Variants in ABCA13 observed in about 807,000 individuals in gnomAD.
ABCA13 encodes the protein ATP binding cassette subfamily A member 13.
In ABCA13, 476 loss-of-function variants were observed where a neutral mutation model predicts 478.7. That is an observed-to-expected ratio of 0.99 (90% CI 0.92 to 1.07). The LOEUF is 1.07. Among genes scored for constraint, ABCA13 ranks in the 50% least tolerant of loss-of-function variants. The probability of loss-of-function intolerance (pLI) is 0.00; values close to 1 mark genes in which losing one functional copy is unlikely to be tolerated. For synonymous variants in ABCA13, 2,252 were observed against 2,158.9 expected, an observed-to-expected ratio of 1.04 and a Z score of -1.20; for missense variants, 6,060 against 5,910.6, an observed-to-expected ratio of 1.03 and a Z score of -0.83.
At chr7:48,464,530 A>G (rs1479912119) in intron 43 of ABCA13, among the ~76,000 whole-genome samples, 1 of 152,210 alleles carries the variant, frequency 6.6e-6, no homozygotes, top group African/African-American at 2.4e-5. Flanking sequence ...AGGTGTTTGC[A>G]TTTTAAGTTG....
intron 45 of ABCA13, among the ~76,000 whole-genome samples, chr7:48,480,816 C>T (rs1360887446): frequency 6.6e-6 from 1 of 152,120 alleles, no homozygotes; most frequent in Non-Finnish European, 1.5e-5. Flanking sequence ...TTGAAGTTCT[C>T]AGATATAATT....
At chr7:48,208,455 C>T (rs891127154) in intron 3 of ABCA13, among the ~76,000 whole-genome samples, 4 of 151,956 alleles carry the variant, frequency 2.6e-5, no homozygotes, top group African/African-American at 9.7e-5. Flanking sequence ...ATCTTTCTAA[C>T]TTTTTGTGTG....
intron 29 of ABCA13, among the ~76,000 whole-genome samples, chr7:48,339,650 A>G (rs2128954181): frequency 6.6e-6 from 1 of 152,374 alleles, no homozygotes. Flanking sequence ...AGTTCCCCAG[A>G]AATTTAGAAC....
intron 38 of ABCA13, among the ~76,000 whole-genome samples, chr7:48,393,171 G>T (rs1816322023): frequency 6.6e-6 from 1 of 152,218 alleles, no homozygotes; most frequent in Admixed American, 6.5e-5. Context: ...ATGGAAGCAT[G>T]GATTGGAGGG....
Position 48,645,790 on chromosome 7 carries a change from T to A in ABCA13, c.*278T>A, listed in dbSNP as rs952650007. ...AGCTTCTTTGTGACAAAGGCATGAA[T>A]GATTTGACAGTGTCCAAACTGAGAC... On this transcript the variant is annotated 3_prime_UTR_variant, in exon 62 of 62. Coordinates refer to ENST00000435803, the MANE Select transcript of ABCA13 (RefSeq NM_152701.5). 19 of 366,462 alleles carry A rather than the reference T, an allele frequency of 5.2e-5. No homozygotes were observed. The allele number at this position is 366,462 out of a possible 1,614,324, so 22.7% of individuals were successfully genotyped here. A position where few individuals can be genotyped will look rare whatever the true frequency, so the allele number is the denominator to read the frequency against.
intron 29 of ABCA13, among the ~76,000 whole-genome samples, chr7:48,340,627 T>C (rs1272197932): frequency 6.6e-6 from 1 of 152,154 alleles, no homozygotes; most frequent in Non-Finnish European, 1.5e-5. Context: ...GATTATACTG[T>C]TCACATAATT....
chr7:48,260,412 A>C (rs1383605910), intron 15 of ABCA13, among the ~76,000 whole-genome samples: 1 of 152,092 alleles, frequency 6.6e-6, no homozygotes, highest in Non-Finnish European at 1.5e-5. Context: ...AAACTAATTT[A>C]CGTTCCTCCA....
chr7:48,172,787 G>C (rs1794305412), intron 1 of ABCA13, among the ~76,000 whole-genome samples: 1 of 105,944 alleles, frequency 9.4e-6, no homozygotes, highest in Non-Finnish European at 1.7e-5. Context: ...GACAGAGCGA[G>C]ACTCCGTCTC....
chr7:48,626,050 G>A (rs890416808), intron 59 of ABCA13, among the ~76,000 whole-genome samples: 3 of 152,158 alleles, frequency 2.0e-5, no homozygotes, highest in African/African-American at 7.2e-5. Flanking sequence ...TAAGAGACTG[G>A]TGAACGAAAT....
chr7:48,557,242 C>T (rs1382785098), intron 55 of ABCA13, among the ~76,000 whole-genome samples: 2 of 152,024 alleles, frequency 1.3e-5, no homozygotes, highest in Admixed American at 1.3e-4. Flanking sequence ...ACCACAATTA[C>T]AGTATTATAA....
chr7:48,251,406 C>T lies in ABCA13; in HGVS notation c.2005+2055C>T, dbSNP rs1163531628. On this transcript the variant is annotated intron_variant, in intron 15 of 61. Coordinates refer to ENST00000435803, the MANE Select transcript of ABCA13 (RefSeq NM_152701.5). ...CCTCATTCAACCTGTGAGATAGGTA[C>T]CATTATGATTTCATTTTCAGATGAG... Among the ~76,000 whole-genome samples the T allele has an allele frequency of 2.6e-5, 4 of 152,112 alleles. No homozygotes were observed. The East Asian group carries it at 5.8e-4, about 22-fold the overall frequency.
At position 48,273,167 on chromosome 7, in the gene ABCA13, T is replaced by G. The variant is rs1230062650; in HGVS notation, c.3501T>G (p.Phe1167Leu). 6.2e-7 allele frequency: 1 copy of G among 1,613,748 alleles called. No individual in the cohort carries two copies. The highest frequency in any genetic ancestry group is 8.5e-7 in the Non-Finnish European group (1 of 1,179,768). The stretch of plus-strand genomic sequence containing the variant: ...AAACCATATCTCAATTATTTAAGTT[T>G]GACATGAATGTTTTCACATCTCTTC... ...IWETISQLFK[F>L]DMNVFTSLHH... Residue 1167 changes from phenylalanine (F) to leucine (L), a missense_variant, in exon 17 of 62, where the codon TTT (phenylalanine) becomes TTG (leucine). This residue lies in a region of ABCA13 where 4,423 missense variants were observed against 4,309.1 expected (regional missense o/e 1.03). Transcript: ENST00000435803.
chr7:48,244,787 A>T, intron 11 of ABCA13, 84 bp downstream of exon 11: 1 of 1,477,264 alleles, frequency 6.8e-7, no homozygotes, highest in South Asian at 1.4e-5. Flanking sequence ...AAACTGCCTG[A>T]CACATTGTAA....
At chr7:48,246,228 C>T (rs938739028) in intron 13 of ABCA13, among the ~76,000 whole-genome samples, 198 bp downstream of exon 13, 2 of 152,172 alleles carry the variant, frequency 1.3e-5, no homozygotes, top group African/African-American at 4.8e-5. Context: ...GTATGCCACC[C>T]GCCTGGCCAA....
intron 24 of ABCA13, among the ~76,000 whole-genome samples, chr7:48,312,734 C>T (rs1048692817): frequency 6.6e-6 from 1 of 152,240 alleles, no homozygotes; most frequent in East Asian, 1.9e-4. Flanking sequence ...CATATAAGGA[C>T]TGCTCATATT....
intron 48 of ABCA13, among the ~76,000 whole-genome samples, chr7:48,490,487 T>A (rs1829742734): frequency 6.6e-6 from 1 of 152,218 alleles, no homozygotes; most frequent in Non-Finnish European, 1.5e-5. Context: ...AACAAACTCT[T>A]GCTTTTCTAC....
intron 58 of ABCA13, among the ~76,000 whole-genome samples, chr7:48,607,320 C>G (rs1472511178): frequency 6.6e-6 from 1 of 152,222 alleles, no homozygotes; most frequent in Non-Finnish European, 1.5e-5. Flanking sequence ...CCTTGCACTT[C>G]CACGGTTGAG....
chr7:48,213,139 T>C (rs919235012), intron 3 of ABCA13, among the ~76,000 whole-genome samples: 2 of 152,330 alleles, frequency 1.3e-5, no homozygotes, highest in African/African-American at 2.4e-5. Context: ...TTTACATATG[T>C]ATATACAATT....
At chr7:48,301,315 C>T (rs1003779687) in intron 23 of ABCA13, among the ~76,000 whole-genome samples, 10 of 152,032 alleles carry the variant, frequency 6.6e-5, no homozygotes, top group African/African-American at 2.2e-4. Flanking sequence ...CACTTGGGGC[C>T]GGTCCTGGGG....
Sources: gnomAD v4.1 joint callset for allele counts (sites outside exome capture counted in the v4.1 genomes callset) on GRCh38, gnomAD v4.1.1 for gene constraint, gnomAD v4.1.1 regional missense constraint, MANE v1.5 for transcripts, NCBI Gene and HGNC (gene_info 2026-07-23, HGNC 2026-07-21) for gene names.